The following NDUFS4 variants were observed in gnomAD, a reference collection of about 807,000 sequenced individuals.
NDUFS4 encodes NADH dehydrogenase [ubiquinone] iron-sulfur protein 4, mitochondrial.
Under a neutral mutation model 24.3 loss-of-function variants are expected in NDUFS4, and 28 were observed. The observed-to-expected ratio is 1.15, with a 90% CI of 0.85 to 1.58. The LOEUF is 1.58. Ranked by LOEUF, NDUFS4 falls within the 40% of genes most tolerant of loss-of-function variation. The pLI is 0.00. For missense variants in NDUFS4, 223 were observed against 207.9 expected (o/e 1.07, Z -0.45); for synonymous variants, 93 against 69.7 (o/e 1.34, Z -1.67).
chr5:53,680,453 C>A (rs1412460419), intron 4 of NDUFS4, among the ~76,000 whole-genome samples: 1 of 152,050 alleles, frequency 6.6e-6, no homozygotes, highest in Non-Finnish European at 1.5e-5. Context: ...AGATGTCCAA[C>A]AATGATAGAC....
intron 2 of NDUFS4, among the ~76,000 whole-genome samples, chr5:53,638,677 C>T (rs1751623137): frequency 6.6e-6 from 1 of 151,970 alleles, no homozygotes; most frequent in Non-Finnish European, 1.5e-5. Context: ...AACAAACTTG[C>T]ACTTGTATCC....
In NDUFS4 at chr5:53,665,788, C is replaced by A. The variant is rs1579935629; in HGVS notation, c.424+7164C>A. On this transcript the variant is annotated intron_variant, in intron 4 of 4. Coordinates refer to ENST00000296684, the MANE Select transcript of NDUFS4 (RefSeq NM_002495.4). ...CTTGCGCTTCCTGGGTGAGGCGATG[C>A]CTCGCCCTGCTTGGGCTCACACTCG... 2.0e-5 allele frequency among the ~76,000 whole-genome samples: 3 copies of A among 152,218 alleles called. No individual in the cohort carries two copies. In the East Asian group the frequency reaches 5.8e-4, roughly 29 times the overall value.
Position 53,637,644 on chromosome 5 carries a change from A to G in NDUFS4, c.178-8589A>G, listed in dbSNP as rs941975396. On this transcript the variant is annotated intron_variant, in intron 2 of 4. Coordinates refer to ENST00000296684, the MANE Select transcript of NDUFS4 (RefSeq NM_002495.4). ...AGAAAAGAAAAAAGAATTTCCTTAA[A>G]TCTGGAAAACAAAACATTAAAGACC... Among the ~76,000 whole-genome samples, 13 of 152,158 alleles carry G rather than the reference A, an allele frequency of 8.5e-5. 1 individual carries two copies. Among genetic ancestry groups the G allele is most frequent in the African/African-American group, 3.1e-4 (13 of 41,450 alleles).
chr5:53,646,411 T>C lies in NDUFS4; in HGVS notation c.350+6T>C, dbSNP rs3733833. 201 of 1,612,646 alleles carry C rather than the reference T, an allele frequency of 1.2e-4. 2 individuals are homozygous for C. The East Asian group carries it at 4.5e-3, about 36-fold the overall frequency. On this transcript the variant is annotated splice_donor_region_variant and intron_variant, in intron 3 of 4. Coordinates refer to ENST00000296684, the MANE Select transcript of NDUFS4 (RefSeq NM_002495.4). ...TTGATGGGTTGGGCATCAACGTGAGTACTTTATTTTAATGTGAATATTGTC... is the reference window on the plus strand; with the variant it reads ...TTGATGGGTTGGGCATCAACGTGAGCACTTTATTTTAATGTGAATATTGTC...
At chr5:53,650,792 T>G (rs1035859371) in intron 3 of NDUFS4, among the ~76,000 whole-genome samples, 2 of 152,228 alleles carry the variant, frequency 1.3e-5, no homozygotes, top group Non-Finnish European at 2.9e-5. Context: ...GTGGATTGTT[T>G]AAATAAATAC....
intron 2 of NDUFS4, among the ~76,000 whole-genome samples, chr5:53,639,849 A>G (rs1387719471): frequency 7.2e-5 from 11 of 152,166 alleles, no homozygotes; most frequent in East Asian, 1.9e-4. Context: ...AAAGATAACT[A>G]TTGAGTTCAA....
At chr5:53,616,675 G>A (rs1030886957) in intron 2 of NDUFS4, among the ~76,000 whole-genome samples, 1 of 152,118 alleles carries the variant, frequency 6.6e-6, no homozygotes, top group African/African-American at 2.4e-5. Context: ...GCTGGATCAG[G>A]TAAGAAGGCT....
At chr5:53,648,253 C>T (rs1048053026) in intron 3 of NDUFS4, among the ~76,000 whole-genome samples, 3 of 152,140 alleles carry the variant, frequency 2.0e-5, no homozygotes, top group Admixed American at 6.5e-5. Flanking sequence ...ATGGAATCGG[C>T]TCATGTCCCT....
At chr5:53,602,948 T>C (rs1428731928) in intron 1 of NDUFS4, among the ~76,000 whole-genome samples, 1 of 152,228 alleles carries the variant, frequency 6.6e-6, no homozygotes, top group African/African-American at 2.4e-5. Context: ...ATTTTGTGAA[T>C]GGGCTACAGG....
chr5:53,586,484 G>C (rs1248611477), intron 1 of NDUFS4, among the ~76,000 whole-genome samples: 1 of 151,054 alleles, frequency 6.6e-6, no homozygotes, highest in Admixed American at 6.7e-5. Flanking sequence ...AGTTGTTCAG[G>C]AAAATGAATT....
intron 2 of NDUFS4, among the ~76,000 whole-genome samples, chr5:53,627,448 T>G (rs1253416639): frequency 6.6e-6 from 1 of 152,222 alleles, no homozygotes; most frequent in African/African-American, 2.4e-5. Flanking sequence ...GGGTATAGCA[T>G]TGAATCTGTA....
At chr5:53,567,647 C>T (rs1410987871) in intron 1 of NDUFS4, among the ~76,000 whole-genome samples, 1 of 151,864 alleles carries the variant, frequency 6.6e-6, no homozygotes, top group Non-Finnish European at 1.5e-5. Flanking sequence ...TCAGTGTCTG[C>T]TATGCTTTCT....
intron 2 of NDUFS4, among the ~76,000 whole-genome samples, chr5:53,613,201 T>C (rs961306379): frequency 6.6e-6 from 1 of 152,016 alleles, no homozygotes; most frequent in Admixed American, 6.6e-5. Flanking sequence ...GTGTCTGCGA[T>C]TGGGGTTATA....
At chr5:53,561,444 A>G (rs771481331) in intron 1 of NDUFS4, among the ~76,000 whole-genome samples, 1 of 151,844 alleles carries the variant, frequency 6.6e-6, no homozygotes. Flanking sequence ...TACTTTTCCA[A>G]AGTATTGTCA....
chr5:53,586,839 T>G (rs1226954676), intron 1 of NDUFS4, among the ~76,000 whole-genome samples: 1 of 152,098 alleles, frequency 6.6e-6, no homozygotes, highest in Non-Finnish European at 1.5e-5. Flanking sequence ...TTCCTTTTTT[T>G]TGAGATGGAG....
At chr5:53,582,170 C>T (rs1235392146) in intron 1 of NDUFS4, among the ~76,000 whole-genome samples, 1 of 151,284 alleles carries the variant, frequency 6.6e-6, no homozygotes, top group Non-Finnish European at 1.5e-5. Context: ...GAGATCGCGC[C>T]ACTGCACTCC....
chr5:53,599,641 C>A (rs898104447), intron 1 of NDUFS4, among the ~76,000 whole-genome samples: 5 of 152,032 alleles, frequency 3.3e-5, no homozygotes, highest in African/African-American at 9.7e-5. Context: ...TTAGAAATGA[C>A]CCCCTACTTA....
chr5:53,590,517 T>C (rs1401424882), intron 1 of NDUFS4, among the ~76,000 whole-genome samples: 3 of 152,214 alleles, frequency 2.0e-5, no homozygotes, highest in Non-Finnish European at 4.4e-5. Flanking sequence ...GGAAAATTTG[T>C]TCCATGAGGC....
At chr5:53,568,535 A>G (rs923610) in intron 1 of NDUFS4, among the ~76,000 whole-genome samples, 39,587 of 152,016 alleles carry the variant, frequency 0.26, 6,901 homozygotes, top group African/African-American at 0.48. Flanking sequence ...ACCCATGCAC[A>G]TAAGAGGTAT....
Sources: allele counts gnomAD v4.1 joint callset (sites outside exome capture counted in the v4.1 genomes callset), GRCh38; gene constraint gnomAD v4.1.1; transcripts MANE v1.5; gene names NCBI Gene and HGNC (gene_info 2026-07-23, HGNC 2026-07-21).